Variants in CLASP1 observed in about 807,000 individuals in gnomAD.
The protein encoded by CLASP1 is cytoplasmic linker associated protein 1.
In CLASP1, 38 loss-of-function variants were observed where a neutral mutation model predicts 192.3. The ratio of observed to expected loss-of-function variants is 0.20; its 90% confidence interval spans 0.15 to 0.26. CLASP1 has a LOEUF of 0.26. Ranked by LOEUF, CLASP1 falls within the 10% of genes least tolerant of loss-of-function variation. The pLI is 1.00. For synonymous variants in CLASP1, 691 were observed against 712.8 expected (o/e 0.97, Z 0.49); for missense variants, 1,433 against 1,932.5 (o/e 0.74, Z 4.85).
intron 7 of CLASP1, chr2:121,505,382 G>A (rs1238188032): frequency 6.6e-6 from 1 of 152,158 alleles, no homozygotes; most frequent in African/African-American, 2.4e-5. Context: ...ACTATTACTA[G>A]TATGTCCACC....
At chr2:121,448,185 G>T in intron 18 of CLASP1, 91 bp downstream of exon 18, 1 of 1,084,862 alleles carries the variant, frequency 9.2e-7, no homozygotes. Flanking sequence ...AGGGCAGGCC[G>T]TTGGCCTCCT....
At chr2:121,531,018 GTTTTCATAGACTT>G in intron 2 of CLASP1, 1 of 700,124 alleles carries the variant, frequency 1.4e-6, no homozygotes, top group South Asian at 1.5e-5. Flanking sequence ...ATGAAAACCT[GTTTTCATAGACTT>G]ATCAGTTCAA....
chr2:121,412,044 T>C (rs189352024), intron 23 of CLASP1, among the ~76,000 whole-genome samples: 25 of 152,342 alleles, frequency 1.6e-4, no homozygotes, highest in South Asian at 6.2e-4. Context: ...ATATCTATTT[T>C]ACATGAATTG....
intron 34 of CLASP1, among the ~76,000 whole-genome samples, chr2:121,370,346 C>CA (rs780990378): frequency 3.9e-5 from 6 of 152,032 alleles, no homozygotes; most frequent in Non-Finnish European, 7.4e-5. Flanking sequence ...TTTTTTGAGA[C>CA]AGAGTTTCAC....
At chr2:121,639,687 A>G (rs1293466997) in intron 1 of CLASP1, among the ~76,000 whole-genome samples, 1 of 151,988 alleles carries the variant, frequency 6.6e-6, no homozygotes, top group Non-Finnish European at 1.5e-5. Context: ...AACATGGAGA[A>G]ACCCTGTCTC....
intron 24 of CLASP1, among the ~76,000 whole-genome samples, chr2:121,408,004 C>T (rs2077171756): frequency 6.6e-6 from 1 of 152,228 alleles, no homozygotes; most frequent in South Asian, 2.1e-4. Context: ...CCAACACTGA[C>T]TGGGCTGCAT....
intron 2 of CLASP1, among the ~76,000 whole-genome samples, chr2:121,537,836 AT>A (rs2095131195): frequency 6.6e-6 from 1 of 152,206 alleles, no homozygotes; most frequent in Non-Finnish European, 1.5e-5. Flanking sequence ...TAATAACATG[AT>A]TTTCCCCTTT....
intron 8 of CLASP1, among the ~76,000 whole-genome samples, chr2:121,500,344 A>AAACG (rs2093695387): frequency 8.4e-6 from 1 of 119,212 alleles, no homozygotes; most frequent in African/African-American, 3.2e-5. Context: ...GAAAGAAAGA[A>AAACG]AAAGAAAGAA....
At chr2:121,464,783 C>T (rs1409473815) in intron 9 of CLASP1, among the ~76,000 whole-genome samples, 2 of 151,962 alleles carry the variant, frequency 1.3e-5, no homozygotes, top group African/African-American at 2.4e-5. Context: ...AAAATTTTCT[C>T]CCATTTTGTA....
intron 8 of CLASP1, among the ~76,000 whole-genome samples, chr2:121,498,452 CTG>C: frequency 6.6e-6 from 1 of 152,136 alleles, no homozygotes; most frequent in East Asian, 1.9e-4. Flanking sequence ...GATAATCTGC[CTG>C]TCTCGGTCTC....
intron 8 of CLASP1, 41 bp from the exon 9 acceptor site, chr2:121,470,001 A>G: frequency 6.8e-7 from 1 of 1,472,682 alleles, no homozygotes; most frequent in Non-Finnish European, 9.3e-7. Context: ...TTTAAAAACA[A>G]AAACTATATA....
At position 121,493,152 on chromosome 2, in the gene CLASP1, T is replaced by G. The variant is rs905836295; in HGVS notation, c.712+10015A>C. On this transcript the variant is annotated intron_variant, in intron 8 of 39. Coordinates refer to ENST00000263710, the Ensembl canonical transcript of CLASP1. ...AGAAATAAAAAAGTAATCCCAAAATTTATACGGAACCACAAAAGACTCAGA... is the reference window on the plus strand; with the variant it reads ...AGAAATAAAAAAGTAATCCCAAAATGTATACGGAACCACAAAAGACTCAGA... 1.4e-4 allele frequency among the ~76,000 whole-genome samples: 21 copies of G among 152,136 alleles called. 1 individual carries two copies. The highest frequency in any genetic ancestry group is 1.4e-3 in the Admixed American group (21 of 15,264).
At chr2:121,564,523 C>T (rs946072483) in intron 2 of CLASP1, among the ~76,000 whole-genome samples, 6 of 152,212 alleles carry the variant, frequency 3.9e-5, no homozygotes, top group Admixed American at 3.3e-4. Context: ...CCTGTACTCA[C>T]ATCCAAGTCC....
At chr2:121,587,613 T>A (rs1309796109) in intron 2 of CLASP1, among the ~76,000 whole-genome samples, 1 of 152,082 alleles carries the variant, frequency 6.6e-6, no homozygotes, top group South Asian at 2.1e-4. Context: ...GTGAATCACC[T>A]GAGGTCAGGA....
chr2:121,492,257 C>A (rs975521853), intron 8 of CLASP1, among the ~76,000 whole-genome samples: 1 of 151,406 alleles, frequency 6.6e-6, no homozygotes, highest in Admixed American at 6.6e-5. Flanking sequence ...GGCGTGGTGG[C>A]GGGCACCTGT....
intron 2 of CLASP1, among the ~76,000 whole-genome samples, chr2:121,591,690 C>T (rs551794970): frequency 6.6e-6 from 1 of 152,334 alleles, no homozygotes; most frequent in South Asian, 2.1e-4. Flanking sequence ...GAACATCTTC[C>T]TTCATGGAGC....
At chr2:121,346,402 C>G (rs1323944375) in intron 39 of CLASP1, among the ~76,000 whole-genome samples, 1 of 152,188 alleles carries the variant, frequency 6.6e-6, no homozygotes, top group African/African-American at 2.4e-5. Context: ...TTAATTAAAA[C>G]CAATAAGCAG....
At chr2:121,360,267 A>G (rs1426001234) in intron 37 of CLASP1, among the ~76,000 whole-genome samples, 1 of 152,216 alleles carries the variant, frequency 6.6e-6, no homozygotes, top group Non-Finnish European at 1.5e-5. Context: ...CTTCTTATTG[A>G]GAACGAAGCT....
chr2:121,390,398 G>A (rs1388001491), intron 30 of CLASP1, among the ~76,000 whole-genome samples: 1 of 152,188 alleles, frequency 6.6e-6, no homozygotes, highest in Admixed American at 6.5e-5. Context: ...GAGTACTGCT[G>A]ACTTTTTCTA....
Sources: allele counts gnomAD v4.1 joint callset (sites outside exome capture counted in the v4.1 genomes callset), GRCh38; gene constraint gnomAD v4.1.1; transcripts MANE v1.5; gene names NCBI Gene and HGNC (gene_info 2026-07-23, HGNC 2026-07-21).